The following SYNJ2 variants were observed in gnomAD, a reference collection of about 807,000 sequenced individuals.
SYNJ2 encodes synaptojanin 2, also known as polyphosphatidylinositol phosphatase SYNJ2.
SYNJ2 carries 116 observed loss-of-function variants against 141.3 expected under a neutral mutation model. The ratio of observed to expected loss-of-function variants is 0.82; its 90% confidence interval spans 0.71 to 0.96. The LOEUF is 0.96. Ranked by LOEUF, SYNJ2 falls within the 40% of genes least tolerant of loss-of-function variation. The pLI, the probability that SYNJ2 is intolerant of heterozygous loss-of-function variation, is 0.00. For synonymous variants in SYNJ2, 745 were observed against 777.7 expected, an observed-to-expected ratio of 0.96 and a Z score of 0.70; for missense variants, 1,873 against 1,934.8, an observed-to-expected ratio of 0.97 and a Z score of 0.60.
chr6:157,990,243 C>T (rs569144044), intron 1 of SYNJ2, among the ~76,000 whole-genome samples: 48 of 152,226 alleles, frequency 3.2e-4, no homozygotes, highest in Non-Finnish European at 6.6e-4. Context: ...GTCTGAGCTT[C>T]ATTCTAAGGC....
intron 5 of SYNJ2, among the ~76,000 whole-genome samples, chr6:158,054,427 G>C (rs752133647): frequency 2.2e-4 from 34 of 152,172 alleles, no homozygotes; most frequent in Non-Finnish European, 5.9e-5. Context: ...GATTTGGCCA[G>C]CAAAAGCCCC....
intron 5 of SYNJ2, among the ~76,000 whole-genome samples, chr6:158,045,123 T>C (rs1035665814): frequency 8.1e-5 from 12 of 147,286 alleles, no homozygotes; most frequent in African/African-American, 3.0e-4. Flanking sequence ...TTTTTTTTTT[T>C]TTGAGATGGA....
chr6:157,996,017 T>C (rs1777619533), intron 1 of SYNJ2, among the ~76,000 whole-genome samples: 1 of 152,198 alleles, frequency 6.6e-6, no homozygotes, highest in Non-Finnish European at 1.5e-5. Flanking sequence ...GCAGTTCCTC[T>C]CCAGTTAATC....
intron 16 of SYNJ2, 70 bp downstream of exon 16, chr6:158,074,808 G>T (rs532037331): frequency 9.2e-5 from 143 of 1,551,298 alleles, no homozygotes; most frequent in Non-Finnish European, 1.1e-4. Flanking sequence ...AGATGTAGAG[G>T]CTGGTGCAGC....
rs537970409 is a variant in SYNJ2 at position 157,991,310 on chromosome 6, T to C, written c.127+9222T>C. On this transcript the variant is annotated intron_variant, in intron 1 of 26. Coordinates refer to ENST00000355585, the MANE Select transcript of SYNJ2 (RefSeq NM_003898.4). The stretch of plus-strand genomic sequence containing the variant: ...CCGGGACAGCAGTGCTTCCAAAACC[T>C]TACTTGTTCACCTCACCTGGAGATT... Among the ~76,000 whole-genome samples the C allele has an allele frequency of 2.0e-5, 3 of 152,314 alleles. No homozygotes were observed. The South Asian group carries it at 6.2e-4, about 32-fold the overall frequency.
chr6:158,056,238 G>A (rs1347988286), intron 6 of SYNJ2, among the ~76,000 whole-genome samples: 1 of 152,190 alleles, frequency 6.6e-6, no homozygotes, highest in Non-Finnish European at 1.5e-5. Flanking sequence ...ATAGACTGCA[G>A]ATTTTTCAGA....
chr6:158,095,838 C>T lies in SYNJ2; in HGVS notation c.3965C>T (p.Pro1322Leu). The T allele has an allele frequency of 1.9e-6, 3 of 1,614,148 alleles. 1 individual carries two copies. The South Asian group carries it at 3.3e-5, about 18-fold the overall frequency. ...PPGAGASVPPPLEAPPLVPKV... is the reference protein window; with the variant it reads ...PPGAGASVPPLLEAPPLVPKV... The stretch of plus-strand genomic sequence containing the variant: ...GGGGCAGGAGCCTCTGTGCCACCAC[C>T]TCTGGAGGCGCCGCCTCTTGTGCCC... The change falls in exon 27 of 27, where the codon CCT (proline) becomes CTT (leucine). Residue 1322 changes from proline to leucine, a missense_variant. By Grantham distance (98) the Pro-to-Leu change is moderately conservative (BLOSUM62 -3). Coordinates refer to ENST00000355585, the MANE Select transcript of SYNJ2 (RefSeq NM_003898.4).
chr6:158,070,517 G>A lies in SYNJ2; in HGVS notation c.1940+844G>A. 1 of 985,506 alleles carries A rather than the reference G, an allele frequency of 1.0e-6. No homozygotes were observed. The highest frequency in any genetic ancestry group is 1.2e-6 in the Non-Finnish European group (1 of 830,002). The allele number at this position is 985,506 out of a possible 1,614,324, so 61.0% of individuals were successfully genotyped here. A position where few individuals can be genotyped will look rare whatever the true frequency, so the allele number is the denominator to read the frequency against. ...GGTTAGCAGGTGAAGGTTAGTAAAGGTTAAAGGCAAGGGCGGGGTGAGGGT... is the reference window on the plus strand; with the variant it reads ...GGTTAGCAGGTGAAGGTTAGTAAAGATTAAAGGCAAGGGCGGGGTGAGGGT... On this transcript the variant is annotated intron_variant, in intron 14 of 26. Coordinates refer to ENST00000355585, the MANE Select transcript of SYNJ2 (RefSeq NM_003898.4). This position sits in a 1 kb window ranked among gnomAD's most constrained non-coding sequence, Gnocchi z 4.0.
chr6:158,033,590 TCG>T lies in SYNJ2; in HGVS notation c.624_625del (p.Val209Ter), dbSNP rs1182649414. ...HKQAKACLVSRVSCERTGTRF... is the reference protein window; with the variant it reads ...HKQAKACLVSXVSCERTGTRF... ...AGCAGGCCAAGGCCTGCCTCGTCTC[TCG>T]CGTTAGCTGTGAGCGCACAGGCACT... On this transcript the variant is annotated frameshift_variant, in exon 4 of 27. Coordinates refer to ENST00000355585, the MANE Select transcript of SYNJ2 (RefSeq NM_003898.4). LOFTEE classifies it high-confidence loss of function. The T allele has an allele frequency of 1.2e-6, 2 of 1,614,026 alleles. No homozygotes were observed. Among genetic ancestry groups the T allele is most frequent in the Admixed American group, 3.3e-5 (2 of 60,036 alleles).
chr6:158,047,795 A>C lies in SYNJ2; in HGVS notation c.795+4396A>C, dbSNP rs1289508690. Among the ~76,000 whole-genome samples the C allele has an allele frequency of 1.2e-3, 177 of 149,174 alleles. 1 individual carries two copies. The highest frequency in any genetic ancestry group is 4.3e-3 in the African/African-American group (173 of 40,228). ...CTGTCAAAAAAAAAAAAAAAAAAAA[A>C]AAAAAAAAAACACACAGTATCTAGA... On this transcript the variant is annotated intron_variant, in intron 5 of 26. Coordinates refer to ENST00000355585, the MANE Select transcript of SYNJ2 (RefSeq NM_003898.4).
chr6:157,996,411 G>A (rs369436651), intron 1 of SYNJ2, among the ~76,000 whole-genome samples: 7 of 152,068 alleles, frequency 4.6e-5, no homozygotes, highest in Admixed American at 3.3e-4. Flanking sequence ...CCTGCTCCCC[G>A]TATAGGGATC....
chr6:158,087,999 A>G (rs1783174210), intron 23 of SYNJ2, among the ~76,000 whole-genome samples: 2 of 106,740 alleles, frequency 1.9e-5, no homozygotes, highest in Non-Finnish European at 4.1e-5. Context: ...TAATGGCTGC[A>G]AGTATATTTT....
At chr6:157,991,348 C>T (rs1398470880) in intron 1 of SYNJ2, among the ~76,000 whole-genome samples, 1 of 152,162 alleles carries the variant, frequency 6.6e-6, no homozygotes, top group Non-Finnish European at 1.5e-5. Flanking sequence ...TGTGGCAAAT[C>T]GGGTTCTGCC....
At chr6:158,094,141 G>T (rs73021941) in intron 26 of SYNJ2, 9 of 632,256 alleles carry the variant, frequency 1.4e-5, no homozygotes, top group Admixed American at 2.4e-5. Context: ...TATTTCCTGG[G>T]TTGCTCTTCT....
intron 1 of SYNJ2, among the ~76,000 whole-genome samples, chr6:157,990,614 C>T (rs1777385954): frequency 6.6e-6 from 1 of 152,152 alleles, no homozygotes; most frequent in Non-Finnish European, 1.5e-5. Context: ...GCTGCTCAGA[C>T]CCAGCGGAGG....
intron 1 of SYNJ2, among the ~76,000 whole-genome samples, chr6:158,007,164 C>T (rs1778104640): frequency 6.6e-6 from 1 of 152,120 alleles, no homozygotes; most frequent in South Asian, 2.1e-4. Context: ...GATGGAGTCT[C>T]CCTATGTTGT....
rs1342615889 is a variant in SYNJ2, at chr6:158,043,776, TGGAG to T, written c.795+380_795+383del. On this transcript the variant is annotated intron_variant, in intron 5 of 26. Transcript: ENST00000355585. This position sits in a 1 kb window ranked among gnomAD's most constrained non-coding sequence, Gnocchi z 4.0. ...ACGTTTCTGAGAGCCGTGACTCTCATGGAGGGCTTCAGGAAGGCTCTGTGGCTGC... is the reference window on the plus strand; with the variant it reads ...ACGTTTCTGAGAGCCGTGACTCTCATGGCTTCAGGAAGGCTCTGTGGCTGC... Among the ~76,000 whole-genome samples the T allele has an allele frequency of 6.6e-6, 1 of 152,162 alleles. No homozygotes were observed. Among genetic ancestry groups the T allele is most frequent in the Admixed American group, 6.5e-5 (1 of 15,280 alleles).
intron 12 of SYNJ2, chr6:158,067,744 C>T: frequency 1.0e-6 from 1 of 985,200 alleles, no homozygotes; most frequent in African/African-American, 1.7e-5. Flanking sequence ...CTGTGCCCTC[C>T]TTTCTGCCTC....
chr6:158,086,872 G>T lies in SYNJ2; in HGVS notation c.3226G>T (p.Glu1076Ter). The T allele has an allele frequency of 6.2e-7, 1 of 1,611,494 alleles. No individual in the cohort carries two copies. The highest frequency in any genetic ancestry group is 8.5e-7 in the Non-Finnish European group (1 of 1,180,032). The change falls in exon 23 of 27, where the codon GAG (glutamate) becomes TAG (stop). Residue 1076 changes from glutamate (E) to a stop codon, truncating the protein, a stop_gained. Transcript: ENST00000355585. LOFTEE classifies it high-confidence loss of function. The stretch of plus-strand genomic sequence containing the variant: ...TCCTCCAGATGACGCGGACCTGGTG[G>T]AGCTCAAGCGGGAGCTGGAAGCCGT... ...PTYKDDADLVELKRELEAVGE... is the reference protein window; with the variant it reads ...PTYKDDADLV
Sources: gnomAD v4.1 joint callset for allele counts (sites outside exome capture counted in the v4.1 genomes callset) on GRCh38, gnomAD v4.1.1 for gene constraint, Gnocchi (gnomAD v3.1) non-coding constraint, MANE v1.5 for transcripts, NCBI Gene and HGNC (gene_info 2026-07-23, HGNC 2026-07-21) for gene names.